Variants in KAZN observed in about 807,000 individuals in gnomAD.
KAZN encodes the protein kazrin.
In KAZN, 40 loss-of-function variants were observed where a neutral mutation model predicts 87.4. The ratio of observed to expected loss-of-function variants is 0.46; its 90% confidence interval spans 0.36 to 0.60. KAZN has a LOEUF of 0.60. KAZN is among the 20% of genes least tolerant of loss of function. The pLI is 0.00. For synonymous variants in KAZN, 466 were observed against 458.3 expected (o/e 1.02, Z -0.22); for missense variants, 898 against 1,073.9 (o/e 0.84, Z 2.29).
chr1:14,544,454 G>A (rs1441577594), intron 2 of KAZN, among the ~76,000 whole-genome samples: 1 of 147,830 alleles, frequency 6.8e-6, no homozygotes, highest in Non-Finnish European at 1.5e-5. Flanking sequence ...GGGAGGATCA[G>A]AATGTATAAA....
At chr1:14,278,385 G>C (rs1652569136) in intron 2 of KAZN, among the ~76,000 whole-genome samples, 2 of 150,640 alleles carry the variant, frequency 1.3e-5, no homozygotes, top group Non-Finnish European at 2.9e-5. Context: ...CTGCCTCCCG[G>C]ACTCAAGCGA....
intron 2 of KAZN, among the ~76,000 whole-genome samples, chr1:14,458,575 T>C (rs1667691854): frequency 6.6e-6 from 1 of 152,208 alleles, no homozygotes; most frequent in South Asian, 2.1e-4. Context: ...GCCCCTTTTC[T>C]CCGGGGAGGC....
At chr1:14,329,647 A>T (rs1026507811) in intron 2 of KAZN, among the ~76,000 whole-genome samples, 1 of 152,194 alleles carries the variant, frequency 6.6e-6, no homozygotes, top group Admixed American at 6.5e-5. Flanking sequence ...AAGCTACACA[A>T]CTAGACAGCA....
chr1:14,798,724 A>G (rs6667250), intron 1 of KAZN, among the ~76,000 whole-genome samples: 112,151 of 151,678 alleles, frequency 0.74, 41,629 homozygotes, highest in African/African-American at 0.8. Context: ...GTGAGCCACC[A>G]CGCCCGGCCC....
At chr1:14,264,270 T>G (rs1009047160) in intron 2 of KAZN, among the ~76,000 whole-genome samples, 4 of 152,160 alleles carry the variant, frequency 2.6e-5, no homozygotes, top group Non-Finnish European at 1.5e-5. Context: ...AAGTCTCCAT[T>G]TCTTTGGTGA....
intron 2 of KAZN, among the ~76,000 whole-genome samples, chr1:14,980,732 C>T (rs1310889672): frequency 2.0e-5 from 3 of 152,116 alleles, no homozygotes; most frequent in African/African-American, 7.2e-5. Context: ...GTCTCGGAAA[C>T]CATTCCGATG....
intron 2 of KAZN, among the ~76,000 whole-genome samples, chr1:14,593,240 A>C: frequency 6.6e-6 from 1 of 152,240 alleles, no homozygotes; most frequent in East Asian, 1.9e-4. Flanking sequence ...GAAGGGTTTT[A>C]ATGAGAGTAG....
intron 2 of KAZN, among the ~76,000 whole-genome samples, chr1:14,209,618 G>A (rs573576787): frequency 1.3e-5 from 2 of 151,298 alleles, no homozygotes; most frequent in South Asian, 4.2e-4. Context: ...TGCAAATGTG[G>A]CACTAATAAA....
At position 14,691,622 on chromosome 1, in the gene KAZN, G is replaced by A. The variant is rs142271671; in HGVS notation, c.226+92399G>A. On this transcript the variant is annotated intron_variant, in intron 1 of 14. Coordinates refer to ENST00000376030, the MANE Select transcript of KAZN (RefSeq NM_201628.3). ...CTGCCTCAGCCTCCCGAGTAGCTGG[G>A]ATCACAGGTGCACACCACCACGCCC... 1.7e-3 allele frequency among the ~76,000 whole-genome samples: 259 copies of A among 152,236 alleles called. 2 individuals carry two copies. In the East Asian group the frequency reaches 0.038, roughly 23 times the overall value.
At position 14,803,541 on chromosome 1, in the gene KAZN, G is replaced by A. The variant is rs117718711; in HGVS notation, c.227-157143G>A. Among the ~76,000 whole-genome samples the A allele has an allele frequency of 2.9e-3, 439 of 152,348 alleles. 12 individuals carry two copies. The East Asian group carries it at 0.07, about 24-fold the overall frequency. On this transcript the variant is annotated intron_variant, in intron 1 of 14. Transcript: ENST00000376030. ...ATGCCAATGTTGCCTCCCACCTGGA[G>A]CGAGTGCTCAGCCCCGCCCTGAGTG...
intron 1 of KAZN, among the ~76,000 whole-genome samples, chr1:14,091,888 G>C (rs943474482): frequency 6.6e-6 from 1 of 152,028 alleles, no homozygotes. Flanking sequence ...TTTAGACTTT[G>C]GCTTACCCCA....
intron 1 of KAZN, among the ~76,000 whole-genome samples, chr1:14,034,650 C>A (rs954541382): frequency 9.2e-5 from 14 of 152,190 alleles, no homozygotes; most frequent in African/African-American, 3.4e-4. Context: ...ATCTCCCCCA[C>A]TAGATTATAC....
intron 2 of KAZN, among the ~76,000 whole-genome samples, chr1:14,195,282 AT>A (rs1406782348): frequency 1.3e-5 from 2 of 152,034 alleles, no homozygotes; most frequent in Admixed American, 6.6e-5. Context: ...AATTGGCACT[AT>A]TTTGTCACTT....
At chr1:14,102,978 A>T (rs1644292304) in intron 1 of KAZN, among the ~76,000 whole-genome samples, 1 of 150,104 alleles carries the variant, frequency 6.7e-6, no homozygotes, top group African/African-American at 2.5e-5. Context: ...GCATGATCTC[A>T]GCTCACTGCA....
intron 2 of KAZN, among the ~76,000 whole-genome samples, chr1:14,458,878 ATGAG>A (rs1667707014): frequency 6.6e-6 from 1 of 152,204 alleles, no homozygotes; most frequent in Non-Finnish European, 1.5e-5. Flanking sequence ...TGTTGAATGA[ATGAG>A]TGAAGAAATA....
chr1:14,351,831 T>C (rs1419050769), intron 2 of KAZN, among the ~76,000 whole-genome samples: 1 of 152,250 alleles, frequency 6.6e-6, no homozygotes, highest in African/African-American at 2.4e-5. Flanking sequence ...AGGATTTTTA[T>C]GCCTTTTAAA....
Position 14,142,715 on chromosome 1 carries a change from G to A in KAZN, c.92-37720G>A, listed in dbSNP as rs150695366. ...ACTTCATTTTCATGGACATGGTCAC[G>A]TGAGGCAGATGGGCCCGCTGCAGCT... is the stretch of plus-strand genomic sequence containing the variant. On this transcript the variant is annotated intron_variant, in intron 1 of 16. Transcript: ENST00000636203. Among the ~76,000 whole-genome samples, 122 of 152,340 alleles carry A rather than the reference G, an allele frequency of 8.0e-4. 2 individuals are homozygous for A. The South Asian group carries it at 0.017, about 21-fold the overall frequency.
intron 1 of KAZN, among the ~76,000 whole-genome samples, chr1:14,744,364 G>A (rs1356079370): frequency 6.6e-6 from 1 of 152,194 alleles, no homozygotes; most frequent in African/African-American, 2.4e-5. Flanking sequence ...GGCCTGTCCA[G>A]AATCACATGG....
chr1:14,837,479 G>A (rs550688420), intron 1 of KAZN, among the ~76,000 whole-genome samples: 52 of 152,048 alleles, frequency 3.4e-4, no homozygotes, highest in East Asian at 5.8e-4. Context: ...GATTTTAGGC[G>A]TGAGCCACTG....
Sources: gnomAD v4.1 joint callset for allele counts (sites outside exome capture counted in the v4.1 genomes callset) on GRCh38, gnomAD v4.1.1 for gene constraint, MANE v1.5 for transcripts, NCBI Gene and HGNC (gene_info 2026-07-23, HGNC 2026-07-21) for gene names.